The following TMEM71 variants were observed in gnomAD, a reference collection of about 807,000 sequenced individuals.
TMEM71 encodes the protein transmembrane protein 71.
TMEM71 carries 44 observed loss-of-function variants against 38.0 expected under a neutral mutation model. The observed-to-expected ratio is 1.16, with a 90% CI of 0.91 to 1.49. TMEM71 has a LOEUF of 1.49. Ranked by LOEUF, TMEM71 falls within the 40% of genes most tolerant of loss-of-function variation. The pLI is 0.00. For synonymous variants in TMEM71, 133 were observed against 122.5 expected (o/e 1.09, Z -0.56); for missense variants, 367 against 348.6 (o/e 1.05, Z -0.42).
chr8:132,752,766 G>C (rs1828785036), intron 3 of TMEM71, among the ~76,000 whole-genome samples: 1 of 142,944 alleles, frequency 7.0e-6, no homozygotes, highest in Non-Finnish European at 1.5e-5. Flanking sequence ...AGAAGAGAGA[G>C]AGAGAAAAAA....
At chr8:132,746,195 T>A (rs1455448034) in intron 5 of TMEM71, among the ~76,000 whole-genome samples, 1 of 150,742 alleles carries the variant, frequency 6.6e-6, no homozygotes, top group African/African-American at 2.5e-5. Flanking sequence ...AAAATAAATT[T>A]TAAAATATAT....
At chr8:132,740,945 G>T (rs1163665061) in intron 5 of TMEM71, among the ~76,000 whole-genome samples, 2 of 152,202 alleles carry the variant, frequency 1.3e-5, no homozygotes, top group Non-Finnish European at 2.9e-5. Flanking sequence ...GCTGTGTTAA[G>T]GAATGATGAC....
chr8:132,766,158 G>A, the TMEM71 span, among the ~76,000 whole-genome samples: 2 of 152,152 alleles, frequency 1.3e-5, no homozygotes, highest in Non-Finnish European at 2.9e-5. Flanking sequence ...ATTCCTGGAG[G>A]CAGTACCCCT....
chr8:132,751,462 G>A (rs1242245907), intron 4 of TMEM71, among the ~76,000 whole-genome samples: 3 of 152,252 alleles, frequency 2.0e-5, no homozygotes, highest in African/African-American at 4.8e-5. Context: ...ACCCTGACGG[G>A]TTTCTATCCT....
chr8:132,736,903 C>T (rs567369818), intron 5 of TMEM71, among the ~76,000 whole-genome samples: 20 of 151,992 alleles, frequency 1.3e-4, no homozygotes, highest in Admixed American at 1.0e-3. Flanking sequence ...GGTAAGTATA[C>T]GAGGTGATGG....
At chr8:132,721,324 T>C (rs1401659537) in intron 7 of TMEM71, among the ~76,000 whole-genome samples, 1 of 152,132 alleles carries the variant, frequency 6.6e-6, no homozygotes, top group African/African-American at 2.4e-5. Flanking sequence ...AGACAATTTA[T>C]GTGGGGATAT....
chr8:132,728,013 AGTGTGTGT>A (rs59776482), intron 5 of TMEM71, 27 bp from the exon 6 acceptor site: 106,907 of 1,078,652 alleles, frequency 0.099, 2,913 homozygotes, highest in East Asian at 0.28. Context: ...GTTCAGTGTG[AGTGTGTGT>A]GTGTGTGTGT....
intron 2 of TMEM71, among the ~76,000 whole-genome samples, chr8:132,757,635 C>T (rs896871891): frequency 3.3e-5 from 5 of 151,966 alleles, no homozygotes; most frequent in Admixed American, 2.6e-4. Context: ...ACCATCCTGG[C>T]TAACACGGTG....
chr8:132,731,827 G>T (rs1827472669), intron 5 of TMEM71, among the ~76,000 whole-genome samples: 1 of 152,210 alleles, frequency 6.6e-6, no homozygotes, highest in Admixed American at 6.5e-5. Context: ...TTAACAAATA[G>T]AAACTTTCTC....
At position 132,722,034 on chromosome 8, in the gene TMEM71, A is replaced by G. The variant is rs1349920586; in HGVS notation, c.752+6T>C. 1 of 1,612,312 alleles carries G rather than the reference A, an allele frequency of 6.2e-7. No individual in the cohort carries two copies. Among genetic ancestry groups the G allele is most frequent in the East Asian group, 2.2e-5 (1 of 44,864 alleles). On this transcript the variant is annotated splice_donor_region_variant and intron_variant, in intron 7 of 9. Transcript: ENST00000677595. ...TACCGCTGCATGAAAATAAAACGTG[A>G]ATTACCTTGCACATGCAGAAATGAT...
At chr8:132,717,642 G>T (rs1586784374) in intron 7 of TMEM71, among the ~76,000 whole-genome samples, 1 of 152,164 alleles carries the variant, frequency 6.6e-6, no homozygotes, top group African/African-American at 2.4e-5. Context: ...TGCTGGTGGG[G>T]GTGGGAGTGT....
chr8:132,706,721 T>C (rs1826099620), downstream of TMEM71, among the ~76,000 whole-genome samples: 1 of 152,148 alleles, frequency 6.6e-6, no homozygotes, highest in African/African-American at 2.4e-5. Flanking sequence ...ATCTCTCCTT[T>C]CCTATAAAAT....
At chr8:132,748,248 T>G (rs756884822) in intron 4 of TMEM71, among the ~76,000 whole-genome samples, 2 of 152,246 alleles carry the variant, frequency 1.3e-5, no homozygotes, top group East Asian at 1.9e-4. Context: ...GTGGTTAAGA[T>G]GAATTACAAC....
intron 9 of TMEM71, among the ~76,000 whole-genome samples, chr8:132,711,700 AC>A (rs1380180895): frequency 1.3e-5 from 2 of 152,158 alleles, no homozygotes. Context: ...CCCTATCTTC[AC>A]AGGCTTTAAA....
At chr8:132,734,400 A>G (rs902658781) in intron 5 of TMEM71, among the ~76,000 whole-genome samples, 1 of 152,200 alleles carries the variant, frequency 6.6e-6, no homozygotes. Flanking sequence ...GAAGTGAGAA[A>G]GAGATGGGAA....
At chr8:132,745,225 C>T (rs914440294) in intron 5 of TMEM71, among the ~76,000 whole-genome samples, 8 of 152,076 alleles carry the variant, frequency 5.3e-5, no homozygotes, top group African/African-American at 1.9e-4. Context: ...AAACTATCAA[C>T]AAGAGTAAAT....
intron 5 of TMEM71, among the ~76,000 whole-genome samples, chr8:132,735,093 C>T (rs367840819): frequency 2.0e-5 from 3 of 152,294 alleles, no homozygotes; most frequent in East Asian, 3.9e-4. Context: ...TAGAGTCCAT[C>T]CTGTTCAGTC....
intron 3 of TMEM71, among the ~76,000 whole-genome samples, chr8:132,754,921 C>T (rs189726239): frequency 2.1e-3 from 314 of 152,264 alleles, no homozygotes; most frequent in African/African-American, 7.4e-3. Flanking sequence ...GTTCTTCTTA[C>T]CCCTATTAAT....
rs571920848 is a variant in TMEM71 at position 132,712,692 on chromosome 8, A to C, written c.872+1303T>G. ...GTGTCTAACCCATGGTAGACACTTCATTAACAGCAACTGAGCTAAACTTGG... is the reference window on the plus strand; with the variant it reads ...GTGTCTAACCCATGGTAGACACTTCCTTAACAGCAACTGAGCTAAACTTGG... On this transcript the variant is annotated intron_variant, in intron 9 of 9. Coordinates refer to ENST00000677595, the MANE Select transcript of TMEM71 (RefSeq NM_001382403.1). 2.0e-5 allele frequency among the ~76,000 whole-genome samples: 3 copies of C among 152,278 alleles called. No individual in the cohort carries two copies. The East Asian group carries it at 5.8e-4, about 29-fold the overall frequency.
Sources: allele counts gnomAD v4.1 joint callset (sites outside exome capture counted in the v4.1 genomes callset), GRCh38; gene constraint gnomAD v4.1.1; transcripts MANE v1.5; gene names NCBI Gene and HGNC (gene_info 2026-07-23, HGNC 2026-07-21).